MID1: variants seen among roughly 807,000 people sequenced by gnomAD.
MID1 encodes the protein midline 1.
MID1 carries 7 observed loss-of-function variants against 40.4 expected under a neutral mutation model. The observed-to-expected ratio is 0.17, with a 90% CI of 0.10 to 0.33. MID1 has a LOEUF of 0.33. Among genes scored for constraint, MID1 ranks in the 10% least tolerant of loss-of-function variants. The pLI, the probability that MID1 is intolerant of heterozygous loss-of-function variation, is 1.00. For missense variants in MID1, 367 were observed against 558.5 expected, an observed-to-expected ratio of 0.66 and a Z score of 3.46; for synonymous variants, 229 against 221.2, an observed-to-expected ratio of 1.04 and a Z score of -0.31.
intron 1 of MID1, among the ~76,000 whole-genome samples, chrX:10,595,782 T>C (rs1935400168): frequency 9.0e-6 from 1 of 111,205 alleles, no homozygotes; most frequent in Non-Finnish European, 1.9e-5. Flanking sequence ...AACAATGTAA[T>C]ATATATTCAA....
At chrX:10,738,725 G>A (rs956253474) in intron 1 of MID1, among the ~76,000 whole-genome samples, 2 of 110,764 alleles carry the variant, frequency 1.8e-5, no homozygotes, top group African/African-American at 6.6e-5. Flanking sequence ...TGCAATCTCT[G>A]GGACATACTG....
At chrX:10,721,532 T>C (rs971778397) in intron 1 of MID1, among the ~76,000 whole-genome samples, 6 of 110,896 alleles carry the variant, frequency 5.4e-5, no homozygotes, top group Admixed American at 1.9e-4. Flanking sequence ...TCTTTGCTAA[T>C]GTTTCAGTAA....
At chrX:10,455,618 T>C (rs1478646011) in intron 8 of MID1, among the ~76,000 whole-genome samples, 1 of 112,243 alleles carries the variant, frequency 8.9e-6, no homozygotes, top group Non-Finnish European at 1.9e-5. Flanking sequence ...TCATGCTCAA[T>C]AGACTTCAGA....
At chrX:10,643,369 CT>C (rs1187627766) in intron 1 of MID1, among the ~76,000 whole-genome samples, 3 of 111,903 alleles carry the variant, frequency 2.7e-5, no homozygotes, top group African/African-American at 9.8e-5. Flanking sequence ...TGAACAGACA[CT>C]TCTCAAAAGA....
intron 1 of MID1, among the ~76,000 whole-genome samples, chrX:10,767,378 T>C (rs1432992039): frequency 9.0e-6 from 1 of 110,879 alleles, no homozygotes; most frequent in Non-Finnish European, 1.9e-5. Flanking sequence ...TGGAGTGCAG[T>C]GGTGTGGTCT....
At chrX:10,601,582 C>G (rs1384268177) in intron 1 of MID1, among the ~76,000 whole-genome samples, 1 of 111,510 alleles carries the variant, frequency 9.0e-6, no homozygotes, top group Non-Finnish European at 1.9e-5. Flanking sequence ...AGGGTGCTGA[C>G]CCCTGGCCTA....
At chrX:10,726,152 A>G (rs1052112395) in intron 1 of MID1, among the ~76,000 whole-genome samples, 2 of 112,122 alleles carry the variant, frequency 1.8e-5, no homozygotes, top group Non-Finnish European at 3.8e-5. Context: ...TATTTTATCT[A>G]AGCCAGATTT....
chrX:10,678,404 G>C (rs371208056), intron 1 of MID1, among the ~76,000 whole-genome samples: 16 of 111,670 alleles, frequency 1.4e-4, no homozygotes, highest in African/African-American at 5.2e-4. Context: ...ACTTACTTGT[G>C]AGTAAAAGCT....
intron 2 of MID1, among the ~76,000 whole-genome samples, chrX:10,556,893 C>T (rs1432788511): frequency 8.9e-6 from 1 of 112,075 alleles, no homozygotes; most frequent in East Asian, 2.8e-4. Context: ...AATCTTTAGC[C>T]ACATTCAGTT....
At chrX:10,807,853 G>A (rs899488213) in intron 1 of MID1, among the ~76,000 whole-genome samples, 79 of 111,923 alleles carry the variant, frequency 7.1e-4, no homozygotes, top group Middle Eastern at 9.3e-3. Context: ...AGGGATTCAG[G>A]TGGAACATTT....
intron 9 of MID1, among the ~76,000 whole-genome samples, chrX:10,454,066 G>A (rs1602240423): frequency 8.9e-6 from 1 of 112,539 alleles, no homozygotes; most frequent in East Asian, 2.8e-4. Context: ...GACGGTCAAA[G>A]GGGTGCAGTT....
chrX:10,686,702 A>G (rs974097515), intron 1 of MID1, among the ~76,000 whole-genome samples: 5 of 112,313 alleles, frequency 4.5e-5, no homozygotes, highest in African/African-American at 1.6e-4. Context: ...AGTAAAGAGA[A>G]GGGGGAAGAA....
chrX:10,817,533 TTTCTTTC>T lies in MID1; in HGVS notation c.-187+16014_-187+16020del, dbSNP rs2044144689. Among the ~76,000 whole-genome samples the T allele has an allele frequency of 3.0e-5, 3 of 99,681 alleles. No individual in the cohort carries two copies. In the Admixed American group the frequency reaches 3.3e-4, roughly 11 times the overall value. 86.6% of individuals were successfully genotyped at this position (99,681 alleles called of 115,157 possible). A position where few individuals can be genotyped will look rare whatever the true frequency, so the allele number is the denominator to read the frequency against. Reference sequence around the variant, plus strand: ...TTTTTTCTCTTTCTTTCTTTCTTTCTTTCTTTCTTTCTTTCTTTCTTTCTTTCTTTCT... The same window carrying T: ...TTTTTTCTCTTTCTTTCTTTCTTTCTTTTCTTTCTTTCTTTCTTTCTTTCT... On this transcript the variant is annotated intron_variant, in intron 1 of 10. Coordinates refer to the MID1 transcript ENST00000380785.
At chrX:10,486,392 T>C (rs1327849766) in intron 4 of MID1, among the ~76,000 whole-genome samples, 1 of 112,163 alleles carries the variant, frequency 8.9e-6, no homozygotes, top group Non-Finnish European at 1.9e-5. Flanking sequence ...TTCTTTAGAC[T>C]CAATGCCCTC....
chrX:10,784,443 CTT>C (rs1222382957), intron 1 of MID1, among the ~76,000 whole-genome samples: 5 of 87,564 alleles, frequency 5.7e-5, no homozygotes, highest in African/African-American at 4.3e-5. Flanking sequence ...GTTGTATTTT[CTT>C]TTTTTTTTTT....
At chrX:10,710,350 G>A (rs1385308662) in intron 1 of MID1, among the ~76,000 whole-genome samples, 4 of 111,122 alleles carry the variant, frequency 3.6e-5, no homozygotes, top group African/African-American at 1.3e-4. Context: ...ACTTTATTTT[G>A]CCCAGCAGTT....
At chrX:10,488,858 G>A (rs1187956290) in intron 4 of MID1, among the ~76,000 whole-genome samples, 2 of 111,180 alleles carry the variant, frequency 1.8e-5, no homozygotes, top group African/African-American at 6.6e-5. Context: ...CTCGAACATC[G>A]GACTCCAAGT....
chrX:10,519,294 C>T (rs184368548), intron 3 of MID1, among the ~76,000 whole-genome samples: 3 of 111,668 alleles, frequency 2.7e-5, no homozygotes, highest in East Asian at 2.8e-4. Context: ...AAATATGGCA[C>T]ACAGATTATT....
At chrX:10,655,111 G>A (rs2042861535) in intron 1 of MID1, among the ~76,000 whole-genome samples, 1 of 111,887 alleles carries the variant, frequency 8.9e-6, no homozygotes, top group Non-Finnish European at 1.9e-5. Context: ...GGATATGCAA[G>A]ACCTCAAAAA....
Sources: allele counts gnomAD v4.1 joint callset (sites outside exome capture counted in the v4.1 genomes callset), GRCh38; gene constraint gnomAD v4.1.1; transcripts MANE v1.5; gene names NCBI Gene and HGNC (gene_info 2026-07-23, HGNC 2026-07-21).